Variants in FAM193A observed in about 807,000 individuals in gnomAD.
FAM193A encodes family with sequence similarity 193 member A, also known as protein FAM193A.
A neutral mutation model predicts 126.5 loss-of-function variants in FAM193A; 22 were observed. That is an observed-to-expected ratio of 0.17 (90% CI 0.12 to 0.25). The LOEUF (loss-of-function observed/expected upper bound fraction) is 0.25. Ranked by LOEUF, FAM193A falls within the 10% of genes least tolerant of loss-of-function variation. FAM193A has a pLI of 1.00. For synonymous variants in FAM193A, 761 were observed against 646.8 expected (o/e 1.18, Z -2.68); for missense variants, 1,675 against 1,672.8 (o/e 1.00, Z -0.02).
At chr4:2,704,786 C>G (rs528457965) in intron 19 of FAM193A, among the ~76,000 whole-genome samples, 1 of 152,252 alleles carries the variant, frequency 6.6e-6, no homozygotes, top group Non-Finnish European at 1.5e-5. Context: ...TTGCATTTTT[C>G]TCCTCTAATT....
At chr4:2,633,842 G>A (rs1029094685) in intron 5 of FAM193A, among the ~76,000 whole-genome samples, 1 of 152,042 alleles carries the variant, frequency 6.6e-6, no homozygotes, top group Non-Finnish European at 1.5e-5. Context: ...GCAGTGAGCC[G>A]AGATGGGGCC....
At chr4:2,726,615 T>G (rs1720775849) in intron 20 of FAM193A, among the ~76,000 whole-genome samples, 1 of 151,820 alleles carries the variant, frequency 6.6e-6, no homozygotes, top group Admixed American at 6.6e-5. Flanking sequence ...TGTTTGTAAT[T>G]CAGACCTTTT....
intron 19 of FAM193A, 141 bp from the exon 20 acceptor site, chr4:2,715,882 T>C: frequency 1.5e-6 from 1 of 662,708 alleles, no homozygotes; most frequent in South Asian, 1.6e-5. Context: ...CAAAGAGATC[T>C]GTCCTCTAAA....
intron 13 of FAM193A, among the ~76,000 whole-genome samples, chr4:2,672,730 G>C (rs1483096733): frequency 1.3e-5 from 2 of 152,166 alleles, no homozygotes; most frequent in African/African-American, 4.8e-5. Context: ...TTCTTAATTT[G>C]ATAGGTAAAA....
intron 20 of FAM193A, among the ~76,000 whole-genome samples, chr4:2,721,501 A>G (rs1402656761): frequency 2.0e-5 from 3 of 152,106 alleles, no homozygotes; most frequent in Non-Finnish European, 4.4e-5. Context: ...AAATTAAAAC[A>G]AAAGGCAAAC....
At chr4:2,574,953 G>A (rs1403339406) in intron 1 of FAM193A, among the ~76,000 whole-genome samples, 1 of 152,164 alleles carries the variant, frequency 6.6e-6, no homozygotes, top group Non-Finnish European at 1.5e-5. Flanking sequence ...CCGCCTGTGG[G>A]AAGGAGGCCT....
rs776951724 is a variant in FAM193A, at chr4:2,672,399, A to G, written c.2331+27A>G. 3.1e-6 allele frequency: 5 copies of G among 1,611,930 alleles called. No homozygotes were observed. In the Admixed American group the frequency reaches 8.3e-5, roughly 27 times the overall value. ...TAAGTCAGGGCAAAAAGGGTCTGAA[A>G]GCTCACTCTTCACTGAGATCCTACA... On this transcript the variant is annotated intron_variant, in intron 13 of 20. Coordinates refer to ENST00000637812, the MANE Select transcript of FAM193A (RefSeq NM_001366318.2).
At chr4:2,561,982 T>A (rs1738643160) in intron 1 of FAM193A, among the ~76,000 whole-genome samples, 1 of 152,238 alleles carries the variant, frequency 6.6e-6, no homozygotes, top group Non-Finnish European at 1.5e-5. Context: ...TTGGTTTGTT[T>A]GCTAAGTAAC....
chr4:2,677,633 C>T (rs540054812), intron 13 of FAM193A, among the ~76,000 whole-genome samples: 35 of 150,554 alleles, frequency 2.3e-4, no homozygotes, highest in Admixed American at 6.0e-4. Context: ...CCCAGTTACT[C>T]GGGAGGCTGA....
chr4:2,643,496 C>A (rs1424976487), intron 6 of FAM193A, among the ~76,000 whole-genome samples: 1 of 152,032 alleles, frequency 6.6e-6, no homozygotes, highest in Non-Finnish European at 1.5e-5. Flanking sequence ...TGTTTATAAC[C>A]ATTACCACCA....
At chr4:2,599,518 C>G (rs1481590573) in intron 2 of FAM193A, among the ~76,000 whole-genome samples, 1 of 152,204 alleles carries the variant, frequency 6.6e-6, no homozygotes, top group Non-Finnish European at 1.5e-5. Context: ...ATTCTGTTAT[C>G]AGCAGTTGTA....
At chr4:2,718,416 T>C (rs975530083) in intron 20 of FAM193A, among the ~76,000 whole-genome samples, 2 of 137,776 alleles carry the variant, frequency 1.5e-5, no homozygotes, top group African/African-American at 5.6e-5. Flanking sequence ...TGTTTGAAAA[T>C]GTCAGTAATT....
Position 2,693,591 on chromosome 4 carries a change from G to T in FAM193A, c.2809G>T (p.Val937Leu). Residue 937 changes from valine (V) to leucine (L), a missense_variant, in exon 16 of 21, where the codon GTG becomes TTG. Coordinates refer to ENST00000637812, the MANE Select transcript of FAM193A (RefSeq NM_001366318.2). ...TCTCGCCTCTCTAAATGCAGGTGAC[G>T]TGTTTCATGGCATCAGCAAGGAGGA... ...SSKRPPSVGD[V>L]FHGISKEDHR... 1 of 1,608,860 alleles carries T rather than the reference G, an allele frequency of 6.2e-7. No individual in the cohort carries two copies. The highest frequency in any genetic ancestry group is 1.3e-5 in the African/African-American group (1 of 74,938).
chr4:2,547,791 A>G (rs1389556048), intron 1 of FAM193A, among the ~76,000 whole-genome samples: 1 of 151,438 alleles, frequency 6.6e-6, no homozygotes, highest in Non-Finnish European at 1.5e-5. Context: ...ACACCTGGCT[A>G]ATTTTGTAGT....
chr4:2,646,486 T>C (rs1745154272), intron 6 of FAM193A, among the ~76,000 whole-genome samples, 199 bp from the exon 7 acceptor site: 1 of 152,188 alleles, frequency 6.6e-6, no homozygotes, highest in Non-Finnish European at 1.5e-5. Context: ...ATCTCCTTTT[T>C]ACAAGTCTGT....
intron 1 of FAM193A, among the ~76,000 whole-genome samples, chr4:2,558,736 C>T (rs898941892): frequency 6.6e-6 from 1 of 152,174 alleles, no homozygotes; most frequent in East Asian, 1.9e-4. Context: ...TGCAGTGGCT[C>T]ACGCCTGTAA....
intron 6 of FAM193A, 147 bp from the exon 7 acceptor site, chr4:2,646,538 C>A: frequency 3.9e-6 from 3 of 772,218 alleles, no homozygotes; most frequent in Admixed American, 2.6e-5. Flanking sequence ...CCTCACAGCT[C>A]CCTGCTGTGG....
rs986931980 is a variant in FAM193A, at chr4:2,577,422, G to GTTTTTTTTTTTTTTTTTTTTTTTTTT, written c.256-18648_256-18647insTTTTTTTTTTTTTTTTTTTTTTTTTT. On this transcript the variant is annotated intron_variant, in intron 1 of 20. Coordinates refer to ENST00000637812, the MANE Select transcript of FAM193A (RefSeq NM_001366318.2). ...ACTCAATTAAAGTGGTTTTTTTTTT[G>GTTTTTTTTTTTTTTTTTTTTTTTTTT]TTTTTTTTTTTTTTGAGACAGAGTC... Among the ~76,000 whole-genome samples the GTTTTTTTTTTTTTTTTTTTTTTTTTT allele has an allele frequency of 3.5e-4, 41 of 115,550 alleles. 1 individual carries two copies. The highest frequency in any genetic ancestry group is 4.6e-4 in the Non-Finnish European group (27 of 58,330). 75.8% of individuals were successfully genotyped at this position (115,550 alleles called of 152,430 possible).
intron 6 of FAM193A, among the ~76,000 whole-genome samples, chr4:2,641,732 T>C (rs1184050196): frequency 6.6e-6 from 1 of 152,132 alleles, no homozygotes; most frequent in Non-Finnish European, 1.5e-5. Flanking sequence ...TCCCAAATTT[T>C]ATTTGAGGGG....
Sources: allele counts gnomAD v4.1 joint callset (sites outside exome capture counted in the v4.1 genomes callset), GRCh38; gene constraint gnomAD v4.1.1; transcripts MANE v1.5; gene names NCBI Gene and HGNC (gene_info 2026-07-23, HGNC 2026-07-21).